TFAP2A: variants seen among roughly 807,000 people sequenced by gnomAD.
TFAP2A encodes transcription factor AP-2-alpha.
TFAP2A carries 7 observed loss-of-function variants against 41.5 expected under a neutral mutation model. The ratio of observed to expected loss-of-function variants is 0.17; its 90% CI spans 0.10 to 0.32. The LOEUF is 0.32. TFAP2A is among the 10% of genes least tolerant of loss of function. TFAP2A has a pLI of 1.00. For missense variants in TFAP2A, 416 were observed against 563.3 expected (o/e 0.74, Z 2.65); for synonymous variants, 247 against 242.8 (o/e 1.02, Z -0.16).
chr6:10,404,229 G>A (rs1757568976), intron 4 of TFAP2A, among the ~76,000 whole-genome samples: 1 of 152,226 alleles, frequency 6.6e-6, no homozygotes, highest in African/African-American at 2.4e-5. Flanking sequence ...GAGGAGGGCG[G>A]AGCGGAGGAC....
At chr6:10,403,983 G>A (rs1459094051) in intron 4 of TFAP2A, among the ~76,000 whole-genome samples, 1 of 152,130 alleles carries the variant, frequency 6.6e-6, no homozygotes, top group Non-Finnish European at 1.5e-5. Context: ...GCGGACTCAA[G>A]AGGACAACCA....
chr6:10,415,080 T>C, upstream of TFAP2A: 2 of 1,610,248 alleles, frequency 1.2e-6, no homozygotes, highest in Non-Finnish European at 1.7e-6. Context: ...CTGCCGGCGG[T>C]GAGCGCAGGA....
chr6:10,409,710 T>C (rs1480686631), intron 2 of TFAP2A, 191 bp downstream of exon 2: 3 of 646,784 alleles, frequency 4.6e-6, no homozygotes, highest in Non-Finnish European at 8.0e-6. Flanking sequence ...ACCATTGTTC[T>C]GGGGTAGAAC....
upstream of TFAP2A, among the ~76,000 whole-genome samples, chr6:10,419,054 C>T (rs1467269586): frequency 6.6e-6 from 1 of 152,126 alleles, no homozygotes; most frequent in Non-Finnish European, 1.5e-5. Context: ...CAGGCCTTCT[C>T]CCTCCCCCCT....
chr6:10,404,880 C>T (rs1757634414), intron 3 of TFAP2A, 141 bp from the exon 4 acceptor site: 2 of 747,568 alleles, frequency 2.7e-6, no homozygotes, highest in South Asian at 1.8e-5. Flanking sequence ...CTCTGAAATT[C>T]TGTGGCTCTG....
chr6:10,407,671 C>T (rs184351417), intron 2 of TFAP2A: 3 of 152,192 alleles, frequency 2.0e-5, no homozygotes, highest in Admixed American at 2.0e-4. Context: ...GAAGATTTTG[C>T]AATCATTACC....
upstream of TFAP2A, chr6:10,415,113 G>A: frequency 1.3e-6 from 2 of 1,598,124 alleles, no homozygotes; most frequent in Non-Finnish European, 1.7e-6. Context: ...GGGAGAGGAG[G>A]TGGAGGAGGA....
chr6:10,411,636 A>C, intron 1 of TFAP2A: 1 of 1,613,446 alleles, frequency 6.2e-7, no homozygotes, highest in Non-Finnish European at 8.5e-7. Context: ...GTGGAAAAAA[A>C]CAAGCAAGCC....
chr6:10,412,889 C>G (rs1235593766), intron 1 of TFAP2A: 2 of 154,812 alleles, frequency 1.3e-5, no homozygotes, highest in East Asian at 3.9e-4. Flanking sequence ...CGGCCACCGT[C>G]GCTCTGCCCT....
Position 10,397,904 on chromosome 6 carries a change from C to T in TFAP2A, c.*513G>A, listed in dbSNP as rs146797011. ...ACAATACTGATAAAAATGTTGTCAT[C>T]ATCTTTTGGCTTTTTTTTTTTTTTT... On this transcript the variant is annotated 3_prime_UTR_variant, in exon 7 of 7. Transcript: ENST00000379613. 110 of 970,956 alleles carry T rather than the reference C, an allele frequency of 1.1e-4. No homozygotes were observed. In the African/African-American group the frequency reaches 1.8e-3, roughly 16 times the overall value. 60.1% of individuals were successfully genotyped at this position (970,956 alleles called of 1,614,324 possible).
chr6:10,416,456 G>A (rs1450204083), upstream of TFAP2A: 2 of 150,938 alleles, frequency 1.3e-5, no homozygotes, highest in African/African-American at 4.9e-5. Context: ...AGGACCTAAT[G>A]TGACACTAGG....
chr6:10,419,658 A>T (rs1251159018), upstream of TFAP2A: 2 of 646,064 alleles, frequency 3.1e-6, no homozygotes, highest in Admixed American at 2.5e-5. Context: ...CCAGCGCCGC[A>T]CAGAGCTGAC....
chr6:10,409,917 G>A lies in TFAP2A; in HGVS notation c.470C>T (p.Ala157Val). ...GCCTCTTACCGGGACCTCCTCGATGGCGTGAGGTAAGGAGTGGATCGAGAG... is the reference window on the plus strand; with the variant it reads ...GCCTCTTACCGGGACCTCCTCGATGACGTGAGGTAAGGAGTGGATCGAGAG... ...GDLSIHSLPH[A>V]IEEVPHVEDP... Residue 157 changes from alanine to valine, a missense_variant, in exon 2 of 7, where the codon GCC (alanine) becomes GTC (valine). Physicochemically the swap from Ala to Val is moderately conservative, Grantham distance 64 (BLOSUM62 0). Transcript: ENST00000379613. 1 of 1,550,152 alleles carries A rather than the reference G, an allele frequency of 6.5e-7. No homozygotes were observed. The highest frequency in any genetic ancestry group is 8.7e-7 in the Non-Finnish European group (1 of 1,145,612).
chr6:10,407,088 T>G lies in TFAP2A; in HGVS notation c.487-244A>C, dbSNP rs1757747887. On this transcript the variant is annotated intron_variant, in intron 2 of 6. Coordinates refer to ENST00000379613, the MANE Select transcript of TFAP2A (RefSeq NM_001372066.1). The stretch of plus-strand genomic sequence containing the variant: ...GCAAATAATCCATGTTTAAAAGGGG[T>G]GGAGATGGGGAATAAAACTTTCTTT... 7.2e-6 allele frequency: 4 copies of G among 558,964 alleles called. No individual in the cohort carries two copies. In the South Asian group the frequency reaches 8.4e-5, roughly 12 times the overall value. 34.6% of individuals were successfully genotyped at this position (558,964 alleles called of 1,614,324 possible). A position where few individuals can be genotyped will look rare whatever the true frequency, so the allele number is the denominator to read the frequency against.
rs760782033 is a variant in TFAP2A at position 10,410,159 on chromosome 6, G to C, written c.228C>G (p.Ser76=). The C allele has an allele frequency of 1.2e-6, 2 of 1,608,496 alleles. No homozygotes were observed. The highest frequency in any genetic ancestry group is 1.7e-6 in the Non-Finnish European group (2 of 1,178,042). Residue 76 remains serine, a synonymous_variant, in exon 2 of 7, where the codon TCC becomes TCG. Coordinates refer to ENST00000379613, the MANE Select transcript of TFAP2A (RefSeq NM_001372066.1). The part of the protein sequence containing the change: ...PIYPQSQDPY[S]HVNDPYSLNP... ...TCAGGCTGTAGGGGTCGTTGACGTG[G>C]GAGTAAGGATCTTGCGACTGGGGGT...
In TFAP2A at chr6:10,404,735, G is replaced by A. The variant is rs531975577; in HGVS notation, c.543C>T (p.Pro181=). 1.9e-6 allele frequency: 3 copies of A among 1,613,908 alleles called. No homozygotes were observed. The highest frequency in any genetic ancestry group is 1.1e-5 in the South Asian group (1 of 91,088). ...IPDQTVIKKG[P]VSLSKSNSNA... ...TGCTGTTGGACTTGGACAGGGACAC[G>A]GGGCCTGCGGAGACAGAGGGGAGGC... Residue 181 remains proline (P), a synonymous_variant, in exon 4 of 7, where the codon CCC becomes CCT. Coordinates refer to ENST00000379613, the MANE Select transcript of TFAP2A (RefSeq NM_001372066.1).
chr6:10,399,259 C>T (rs926466988), intron 6 of TFAP2A, among the ~76,000 whole-genome samples: 1 of 152,182 alleles, frequency 6.6e-6, no homozygotes, highest in Non-Finnish European at 1.5e-5. Context: ...GATTATTTTG[C>T]CTTTAAAAAA....
At chr6:10,414,116 G>C (rs547959517) in intron 1 of TFAP2A, among the ~76,000 whole-genome samples, 6 of 152,236 alleles carry the variant, frequency 3.9e-5, no homozygotes, top group South Asian at 2.1e-4. Flanking sequence ...CAGCGGGCTT[G>C]CGGCACCAGA....
Position 10,398,787 on chromosome 6 carries a change from T to G in TFAP2A, c.1032-82A>C. ...GCAGCAAAGAGAAAACCTCCCTCCCTGCAGCTACCTCTGCCGGGATCCAGC... is the reference window on the plus strand; with the variant it reads ...GCAGCAAAGAGAAAACCTCCCTCCCGGCAGCTACCTCTGCCGGGATCCAGC... On this transcript the variant is annotated intron_variant, in intron 6 of 6. Transcript: ENST00000379613. The surrounding 1 kb of genome is among the most constrained non-coding windows in gnomAD (Gnocchi z 5.3). 6.6e-7 allele frequency: 1 copy of G among 1,503,856 alleles called. No homozygotes were observed. Among genetic ancestry groups the G allele is most frequent in the East Asian group, 2.3e-5 (1 of 43,554 alleles). 93.2% of individuals were successfully genotyped at this position (1,503,856 alleles called of 1,614,324 possible).
Sources: allele counts gnomAD v4.1 joint callset (sites outside exome capture counted in the v4.1 genomes callset), GRCh38; gene constraint gnomAD v4.1.1; non-coding constraint Gnocchi (gnomAD v3.1); transcripts MANE v1.5; gene names NCBI Gene and HGNC (gene_info 2026-07-23, HGNC 2026-07-21).